DNAI1: variants seen among roughly 807,000 people sequenced by gnomAD.
The protein encoded by DNAI1 is dynein axonemal intermediate chain 1.
A neutral mutation model predicts 92.0 loss-of-function variants in DNAI1; 67 were observed. The observed-to-expected ratio is 0.73, with a 90% confidence interval of 0.60 to 0.89. The LOEUF (loss-of-function observed/expected upper bound fraction) is 0.89, where lower values mean the gene tolerates loss of function less well. Ranked by LOEUF, DNAI1 falls within the 40% of genes least tolerant of loss-of-function variation. The pLI, the probability that DNAI1 is intolerant of heterozygous loss-of-function variation, is 0.00. For synonymous variants in DNAI1, 323 were observed against 319.6 expected (o/e 1.01, Z -0.11); for missense variants, 839 against 866.6 (o/e 0.97, Z 0.40).
rs139105904 is a variant in DNAI1 at position 34,471,953 on chromosome 9, A to G, written c.49-11495A>G. On this transcript the variant is annotated intron_variant, in intron 1 of 19. Coordinates refer to ENST00000242317, the MANE Select transcript of DNAI1 (RefSeq NM_012144.4). Reference sequence around the variant, plus strand: ...AATGTCTAGTAAACTGAAAGATGCTATATAAATGGAAGTATTTTTATTGTC... The same window carrying G: ...AATGTCTAGTAAACTGAAAGATGCTGTATAAATGGAAGTATTTTTATTGTC... Among the ~76,000 whole-genome samples the G allele has an allele frequency of 1.2e-3, 179 of 152,338 alleles. 1 individual carries two copies. The highest frequency in any genetic ancestry group is 4.0e-3 in the African/African-American group (166 of 41,584).
chr9:34,471,828 T>C (rs914321737), intron 1 of DNAI1, among the ~76,000 whole-genome samples: 1 of 152,088 alleles, frequency 6.6e-6, no homozygotes, highest in Non-Finnish European at 1.5e-5. Context: ...AATCCTATAA[T>C]GATGACATCT....
intron 1 of DNAI1, among the ~76,000 whole-genome samples, chr9:34,477,857 C>T (rs1449062956): frequency 6.7e-6 from 1 of 148,694 alleles, no homozygotes; most frequent in Non-Finnish European, 1.5e-5. Context: ...ATATGAGGTT[C>T]TGGGAAGTCT....
chr9:34,490,566 C>T (rs767865820), intron 7 of DNAI1, 78 bp downstream of exon 7: 627 of 1,596,690 alleles, frequency 3.9e-4, no homozygotes, highest in Non-Finnish European at 5.2e-4. Flanking sequence ...GACCCTGGCC[C>T]TAGCAGACCT....
chr9:34,490,569 G>A (rs1824569060), intron 7 of DNAI1, 81 bp downstream of exon 7: 40 of 1,589,784 alleles, frequency 2.5e-5, no homozygotes, highest in Non-Finnish European at 3.4e-5. Context: ...CCTGGCCCTA[G>A]CAGACCTCAG....
Position 34,514,661 on chromosome 9 carries a change from C to A in DNAI1, c.1740C>A (p.Asp580Glu). Residue 580 changes from aspartate (D) to glutamate (E), a missense_variant, in exon 18 of 20, where the codon GAC becomes GAA. Coordinates refer to ENST00000242317, the MANE Select transcript of DNAI1 (RefSeq NM_012144.4). ...HTIKTPMFIY[D>E]LNSAVGDVAW... The stretch of plus-strand genomic sequence containing the variant: ...GCAGGACCCCGATGTTCATCTATGA[C>A]CTGAACTCAGCCGTGGGTGATGTGG... The A allele has an allele frequency of 6.2e-7, 1 of 1,614,204 alleles. No homozygotes were observed. Among genetic ancestry groups the A allele is most frequent in the Non-Finnish European group, 8.5e-7 (1 of 1,180,048 alleles).
Position 34,506,801 on chromosome 9 carries a change from T to C in DNAI1, c.1238T>C (p.Leu413Pro). ...GACGGCAACGTGGCCATTTACAACC[T>C]CAAGAAGCCCCACTCCCAGCCCTCC... ...HYDGNVAIYN[L>P]KKPHSQPSFC... Residue 413 changes from leucine to proline, a missense_variant, in exon 13 of 20, where the codon CTC becomes CCC. Leu to Pro is a moderately conservative substitution (Grantham distance 98). Transcript: ENST00000242317. 1.9e-6 allele frequency: 3 copies of C among 1,613,988 alleles called. No individual in the cohort carries two copies. The highest frequency in any genetic ancestry group is 2.5e-6 in the Non-Finnish European group (3 of 1,179,990).
intron 1 of DNAI1, among the ~76,000 whole-genome samples, chr9:34,470,280 C>T (rs913240049): frequency 6.6e-6 from 1 of 151,994 alleles, no homozygotes; most frequent in South Asian, 2.1e-4. Context: ...AAACAAAGAG[C>T]AACATGGTAA....
chr9:34,465,195 G>T (rs2132039801), intron 1 of DNAI1, among the ~76,000 whole-genome samples: 1 of 152,324 alleles, frequency 6.6e-6, no homozygotes, highest in East Asian at 1.9e-4. Flanking sequence ...TGTAGGCAAA[G>T]ATTGTTTTTT....
intron 9 of DNAI1, among the ~76,000 whole-genome samples, chr9:34,495,332 G>C (rs941254610): frequency 6.6e-6 from 1 of 152,082 alleles, no homozygotes; most frequent in African/African-American, 2.4e-5. Flanking sequence ...GGTCAGACTG[G>C]GGAGGCACTG....
chr9:34,485,420 G>T lies in DNAI1; in HGVS notation c.181-17G>T. ...GGGGTCTTCATGTATGACCCTCTTG[G>T]TATTTTTCTCCCTCAGGAGTTAAAG... On this transcript the variant is annotated splice_polypyrimidine_tract_variant and intron_variant, in intron 3 of 19. Transcript: ENST00000242317. 6.2e-7 allele frequency: 1 copy of T among 1,613,876 alleles called. No individual in the cohort carries two copies. The highest frequency in any genetic ancestry group is 8.5e-7 in the Non-Finnish European group (1 of 1,179,810).
intron 4 of DNAI1, among the ~76,000 whole-genome samples, chr9:34,486,440 T>C (rs994182554): frequency 3.9e-5 from 6 of 152,010 alleles, no homozygotes; most frequent in South Asian, 4.1e-4. Flanking sequence ...TTACATTGCT[T>C]CTTTAAAAAA....
At chr9:34,472,834 C>T (rs1824166329) in intron 1 of DNAI1, among the ~76,000 whole-genome samples, 1 of 151,556 alleles carries the variant, frequency 6.6e-6, no homozygotes, top group Non-Finnish European at 1.5e-5. Context: ...CCCAGGAGGT[C>T]ACAGCTGCAG....
Position 34,490,382 on chromosome 9 carries a change from TGACTGAAGAA to T in DNAI1, c.518_527del (p.Thr173AsnfsTer2). On this transcript the variant is annotated frameshift_variant, in exon 7 of 20. Coordinates refer to ENST00000242317, the MANE Select transcript of DNAI1 (RefSeq NM_012144.4). LOFTEE classifies it high-confidence loss of function. ...CTTTATTTTCAGGCAGCTGAAAAAG[TGACTGAAGAA>T]GAATTGATGACTCCTAAGCAGCCCA... 6.2e-7 allele frequency: 1 copy of T among 1,614,152 alleles called. No individual in the cohort carries two copies. The highest frequency in any genetic ancestry group is 8.5e-7 in the Non-Finnish European group (1 of 1,180,022).
chr9:34,475,812 T>C (rs1303007735), intron 1 of DNAI1, among the ~76,000 whole-genome samples: 1 of 152,176 alleles, frequency 6.6e-6, no homozygotes. Context: ...CATGGCTCCA[T>C]CTGATCACAT....
intron 1 of DNAI1, among the ~76,000 whole-genome samples, chr9:34,462,102 G>T (rs1430661456): frequency 6.6e-6 from 1 of 152,080 alleles, no homozygotes; most frequent in African/African-American, 2.4e-5. Flanking sequence ...ATGGTTCCTT[G>T]TTGCTTTCAG....
Position 34,520,730 on chromosome 9 carries a change from G to A in DNAI1, c.2074G>A (p.Val692Met), listed in dbSNP as rs1433242022. 6.4e-7 allele frequency: 1 copy of A among 1,551,700 alleles called. No homozygotes were observed. The highest frequency in any genetic ancestry group is 8.7e-7 in the Non-Finnish European group (1 of 1,146,980). The change falls in exon 20 of 20, where the codon GTG becomes ATG. Residue 692 changes from valine to methionine, a missense_variant. Val to Met is a conservative substitution (Grantham distance 21, BLOSUM62 1). Coordinates refer to ENST00000242317, the MANE Select transcript of DNAI1 (RefSeq NM_012144.4). ...GAAACTGGACAAACTGCTGAACCTG[G>A]TGAGGGAAGTGAAAATCAAGACCTG... ...IAKLDKLLNL[V>M]REVKIKT is the part of the protein sequence containing the mutation.
rs113688556 is a variant in DNAI1 at position 34,465,881 on chromosome 9, G to A, written c.48+6828G>A. ...GAGTTGTATGCAAGAAGCAAGCAAA[G>A]GACACAGCTGTTGTAACTTTAGTTT... On this transcript the variant is annotated intron_variant, in intron 1 of 19. Transcript: ENST00000242317. Among the ~76,000 whole-genome samples, 333 of 152,334 alleles carry A rather than the reference G, an allele frequency of 2.2e-3. 2 individuals carry two copies. Among genetic ancestry groups the A allele is most frequent in the African/African-American group, 7.2e-3 (301 of 41,582 alleles).
intron 12 of DNAI1, among the ~76,000 whole-genome samples, chr9:34,505,316 C>T (rs59553237): frequency 0.024 from 3,609 of 152,134 alleles, 111 homozygotes; most frequent in East Asian, 0.15. Context: ...AGCAAGCAAT[C>T]GAATCATTCT....
intron 12 of DNAI1, among the ~76,000 whole-genome samples, chr9:34,505,676 G>A (rs1030730359): frequency 2.4e-4 from 36 of 152,238 alleles, no homozygotes; most frequent in Non-Finnish European, 3.8e-4. Flanking sequence ...AGTAAGAGAG[G>A]AAGCCTGCTG....
Sources: gnomAD v4.1 joint callset for allele counts (sites outside exome capture counted in the v4.1 genomes callset) on GRCh38, gnomAD v4.1.1 for gene constraint, MANE v1.5 for transcripts, NCBI Gene and HGNC (gene_info 2026-07-23, HGNC 2026-07-21) for gene names.